The following FAM171B variants were observed in gnomAD, a reference collection of about 807,000 sequenced individuals.
FAM171B encodes the protein protein FAM171B.
A neutral mutation model predicts 75.6 loss-of-function variants in FAM171B; 19 were observed. That is an observed-to-expected ratio of 0.25 (90% confidence interval 0.18 to 0.37). The LOEUF is 0.37. Ranked by LOEUF, FAM171B falls within the 10% of genes least tolerant of loss-of-function variation. The pLI is 1.00. For missense variants in FAM171B, 848 were observed against 982.4 expected, an observed-to-expected ratio of 0.86 and a Z score of 1.83; for synonymous variants, 367 against 361.7, an observed-to-expected ratio of 1.01 and a Z score of -0.17.
chr2:186,707,111 A>G (rs560579742), intron 1 of FAM171B, among the ~76,000 whole-genome samples: 3 of 152,306 alleles, frequency 2.0e-5, no homozygotes, highest in African/African-American at 4.8e-5. Flanking sequence ...TATATCTACC[A>G]ATTATTTTGA....
At chr2:186,724,649 G>A (rs1287547618) in intron 1 of FAM171B, among the ~76,000 whole-genome samples, 2 of 152,212 alleles carry the variant, frequency 1.3e-5, no homozygotes, top group African/African-American at 4.8e-5. Flanking sequence ...CAGGAGTCAT[G>A]AGAAGTGTCA....
intron 1 of FAM171B, among the ~76,000 whole-genome samples, chr2:186,735,483 C>T (rs1451392146): frequency 6.7e-6 from 1 of 149,602 alleles, no homozygotes; most frequent in African/African-American, 2.5e-5. Flanking sequence ...GAATGGCTGG[C>T]AATCTACACC....
chr2:186,714,734 G>A (rs912754655), intron 1 of FAM171B, among the ~76,000 whole-genome samples: 1 of 152,184 alleles, frequency 6.6e-6, no homozygotes, highest in African/African-American at 2.4e-5. Flanking sequence ...CTAATGGCAG[G>A]AAGGCATCAC....
At chr2:186,750,476 A>AT (rs1257303498) in intron 4 of FAM171B, among the ~76,000 whole-genome samples, 4 of 152,176 alleles carry the variant, frequency 2.6e-5, no homozygotes, top group African/African-American at 9.7e-5. Context: ...ATCTAAGTTT[A>AT]TATTCTTTCA....
At chr2:186,722,915 T>A (rs2105779481) in intron 1 of FAM171B, among the ~76,000 whole-genome samples, 1 of 152,316 alleles carries the variant, frequency 6.6e-6, no homozygotes, top group East Asian at 1.9e-4. Context: ...TATTGCATCC[T>A]TTTTAGGAAC....
At chr2:186,740,089 A>T in intron 1 of FAM171B, 139 bp from the exon 2 acceptor site, 1 of 592,568 alleles carries the variant, frequency 1.7e-6, no homozygotes, top group Non-Finnish European at 2.9e-6. Flanking sequence ...ATTCTTCATT[A>T]TTATATGTAT....
Position 186,761,100 on chromosome 2 carries a change from T to A in FAM171B, c.1013-13T>A. 6.3e-7 allele frequency: 1 copy of A among 1,596,272 alleles called. No individual in the cohort carries two copies. Among genetic ancestry groups the A allele is most frequent in the Non-Finnish European group, 8.5e-7 (1 of 1,172,778 alleles). On this transcript the variant is annotated splice_polypyrimidine_tract_variant and intron_variant, in intron 6 of 7. Transcript: ENST00000304698. Reference sequence around the variant, plus strand: ...AAATAACATTTTCTCTTTGTTTATATTGAACCATGTAGGTTCAGGTATAAA... The same window carrying A: ...AAATAACATTTTCTCTTTGTTTATAATGAACCATGTAGGTTCAGGTATAAA...
intron 1 of FAM171B, among the ~76,000 whole-genome samples, chr2:186,713,184 A>G (rs1689831993): frequency 6.6e-6 from 1 of 152,154 alleles, no homozygotes; most frequent in Non-Finnish European, 1.5e-5. Flanking sequence ...AGGGGTGGTT[A>G]AGGGAGGCGG....
chr2:186,751,980 T>C (rs1220162147), intron 5 of FAM171B, among the ~76,000 whole-genome samples: 1 of 152,152 alleles, frequency 6.6e-6, no homozygotes, highest in Non-Finnish European at 1.5e-5. Flanking sequence ...GGCTTGGGCT[T>C]GGTTTCTCTC....
chr2:186,716,861 G>T (rs1264576623), intron 1 of FAM171B, among the ~76,000 whole-genome samples: 1 of 152,106 alleles, frequency 6.6e-6, no homozygotes, highest in Non-Finnish European at 1.5e-5. Context: ...GTTTGTGGTT[G>T]TTGTTGTACT....
At chr2:186,758,205 G>T (rs1690560821) in intron 6 of FAM171B, among the ~76,000 whole-genome samples, 1 of 152,060 alleles carries the variant, frequency 6.6e-6, no homozygotes, top group Non-Finnish European at 1.5e-5. Flanking sequence ...AGCTCACATG[G>T]GTTAGATATA....
At chr2:186,716,702 A>G (rs1689879997) in intron 1 of FAM171B, among the ~76,000 whole-genome samples, 1 of 152,200 alleles carries the variant, frequency 6.6e-6, no homozygotes, top group African/African-American at 2.4e-5. Context: ...AGACAAAGAA[A>G]TGGAATTGCT....
chr2:186,698,151 T>C (rs1018541284), intron 1 of FAM171B, among the ~76,000 whole-genome samples: 6 of 152,116 alleles, frequency 3.9e-5, no homozygotes, highest in Non-Finnish European at 8.8e-5. Flanking sequence ...GATGGCCCAT[T>C]AGATGGGAGG....
Position 186,762,085 on chromosome 2 carries a change from C to G in FAM171B, c.1743C>G (p.Asn581Lys). Residue 581 changes from asparagine (N) to lysine (K), a missense_variant, in exon 8 of 8, where the codon AAC (asparagine) becomes AAG (lysine). Asn to Lys is a moderately conservative substitution (Grantham distance 94). This residue lies in a region of FAM171B where 665 missense variants were observed against 729.0 expected (regional missense o/e 0.91). Coordinates refer to ENST00000304698, the MANE Select transcript of FAM171B (RefSeq NM_177454.4). The surrounding 1 kb of genome is among the most constrained non-coding windows in gnomAD (Gnocchi z 4.0). The part of the protein sequence containing the change: ...GQLMEPVNRE[N>K]FTQTLPKMPI... ...TGATGGAACCAGTAAATCGAGAGAA[C>G]TTTACGCAGACCTTGCCCAAAATGC... is the stretch of plus-strand genomic sequence containing the variant. 1 of 1,613,692 alleles carries G rather than the reference C, an allele frequency of 6.2e-7. No individual in the cohort carries two copies. Among genetic ancestry groups the G allele is most frequent in the Non-Finnish European group, 8.5e-7 (1 of 1,179,790 alleles).
rs1410300884 is a variant in FAM171B, at chr2:186,694,256, C to T, written c.83C>T (p.Ala28Val). 7.4e-6 allele frequency: 12 copies of T among 1,610,996 alleles called. No homozygotes were observed. In the African/African-American group the frequency reaches 1.3e-4, roughly 18 times the overall value. Reference sequence around the variant, plus strand: ...CTGCTGAAAGCGCGGCTGGTCCCCGCGGCCGCCAGAGCGGAACTCAGCCGC... The same window carrying T: ...CTGCTGAAAGCGCGGCTGGTCCCCGTGGCCGCCAGAGCGGAACTCAGCCGC... ...VVLLKARLVP[A>V]AARAELSRSD... is the part of the protein sequence containing the mutation. The change falls in exon 1 of 8, where the codon GCG becomes GTG. Residue 28 changes from alanine to valine, a missense_variant. Transcript: ENST00000304698.
At chr2:186,717,718 G>A (rs547980559) in intron 1 of FAM171B, among the ~76,000 whole-genome samples, 1 of 152,258 alleles carries the variant, frequency 6.6e-6, no homozygotes, top group Non-Finnish European at 1.5e-5. Flanking sequence ...AAGGTGAAGA[G>A]AGACTTTCTG....
Position 186,762,115 on chromosome 2 carries a change from T to C in FAM171B, c.1773T>C (p.Ile591=). The change falls in exon 8 of 8, where the codon ATT becomes ATC. Residue 591 remains isoleucine, a synonymous_variant. Coordinates refer to ENST00000304698, the MANE Select transcript of FAM171B (RefSeq NM_177454.4). This position sits in a 1 kb window ranked among gnomAD's most constrained non-coding sequence, Gnocchi z 4.0. ...NFTQTLPKMP[I]HSHAQPPDAR... The stretch of plus-strand genomic sequence containing the variant: ...CGCAGACCTTGCCCAAAATGCCAAT[T>C]CATTCTCATGCACAGCCCCCAGATG... 1 of 1,613,702 alleles carries C rather than the reference T, an allele frequency of 6.2e-7. No individual in the cohort carries two copies. The highest frequency in any genetic ancestry group is 1.3e-5 in the African/African-American group (1 of 74,976).
chr2:186,744,842 T>C (rs1315757504), intron 3 of FAM171B, among the ~76,000 whole-genome samples: 1 of 150,964 alleles, frequency 6.6e-6, no homozygotes, highest in Non-Finnish European at 1.5e-5. Context: ...TTTTTTTTTT[T>C]TTTTTTGAGA....
intron 1 of FAM171B, among the ~76,000 whole-genome samples, chr2:186,715,432 G>C (rs1488175661): frequency 2.0e-5 from 3 of 151,932 alleles, no homozygotes; most frequent in Non-Finnish European, 4.4e-5. Context: ...TGAACTCCTG[G>C]GCTCAAGCAA....
Sources: gnomAD v4.1 joint callset for allele counts (sites outside exome capture counted in the v4.1 genomes callset) on GRCh38, gnomAD v4.1.1 for gene constraint, gnomAD v4.1.1 regional missense constraint, Gnocchi (gnomAD v3.1) non-coding constraint, MANE v1.5 for transcripts, NCBI Gene and HGNC (gene_info 2026-07-23, HGNC 2026-07-21) for gene names.